The following USP28 variants were observed in gnomAD, a reference collection of about 807,000 sequenced individuals.
USP28 encodes the protein ubiquitin carboxyl-terminal hydrolase 28.
USP28 carries 113 observed loss-of-function variants against 145.0 expected under a neutral mutation model. That is an observed-to-expected ratio of 0.78 (90% CI 0.67 to 0.91). USP28 has a LOEUF of 0.91. Among genes scored for constraint, USP28 ranks in the 40% least tolerant of loss-of-function variants. The pLI is 0.00. For synonymous variants in USP28, 447 were observed against 450.9 expected (o/e 0.99, Z 0.11); for missense variants, 1,201 against 1,289.6 (o/e 0.93, Z 1.05).
chr11:113,819,238 G>A (rs886710884), intron 12 of USP28, among the ~76,000 whole-genome samples: 4 of 151,388 alleles, frequency 2.6e-5, no homozygotes, highest in Non-Finnish European at 5.9e-5. Flanking sequence ...TCAGCCTCCC[G>A]AGTAGCTGGG....
Position 113,801,466 on chromosome 11 carries a change from T to C in USP28, c.3058+17A>G. 6.6e-7 allele frequency: 1 copy of C among 1,518,290 alleles called. No individual in the cohort carries two copies. Among genetic ancestry groups the C allele is most frequent in the Non-Finnish European group, 8.9e-7 (1 of 1,119,286 alleles). The allele number at this position is 1,518,290 out of a possible 1,614,324, so 94.1% of individuals were successfully genotyped here. On this transcript the variant is annotated intron_variant, in intron 24 of 24. Transcript: ENST00000003302. ...CAATTCTCAAAACCTCAGAATATTA[T>C]TACCAAGAGCATATACCTGCAATAT...
exon 16 of USP28, chr11:113,812,314 A>G: frequency 6.2e-7 from 1 of 1,614,152 alleles, no homozygotes; most frequent in Non-Finnish European, 8.5e-7. Context: ...AATGTACATC[A>G]GACAGTAAGC....
intron 1 of USP28, among the ~76,000 whole-genome samples, chr11:113,860,316 C>T (rs1947519377): frequency 6.6e-6 from 1 of 151,878 alleles, no homozygotes; most frequent in South Asian, 2.1e-4. Context: ...AAATTTACAA[C>T]TAAGTAAATA....
chr11:113,875,388 G>A, intron 1 of USP28, 57 bp downstream of exon 1: 3 of 1,171,556 alleles, frequency 2.6e-6, no homozygotes, highest in Non-Finnish European at 3.2e-6. Flanking sequence ...GGCCCCGCAC[G>A]CTCCCCTCAG....
intron 6 of USP28, among the ~76,000 whole-genome samples, chr11:113,833,875 C>A (rs1478564263): frequency 6.6e-6 from 1 of 152,170 alleles, no homozygotes; most frequent in Admixed American, 6.5e-5. Flanking sequence ...TAGGAGGAGG[C>A]TACGACCTTT....
At chr11:113,844,332 T>C (rs1158078353) in intron 3 of USP28, among the ~76,000 whole-genome samples, 1 of 151,680 alleles carries the variant, frequency 6.6e-6, no homozygotes, top group East Asian at 1.9e-4. Flanking sequence ...TCTCCGCTAC[T>C]CGGGAGGCTG....
intron 18 of USP28, chr11:113,808,004 G>C: frequency 2.5e-6 from 3 of 1,212,930 alleles, no homozygotes; most frequent in Non-Finnish European, 3.1e-6. Context: ...CCCACACTGG[G>C]AATCTCGACT....
chr11:113,874,654 TTA>T, intron 1 of USP28: 1 of 1,273,206 alleles, frequency 7.9e-7, no homozygotes, highest in Non-Finnish European at 1.0e-6. Context: ...TGGTGTTAAG[TTA>T]TAACATTCCG....
intron 11 of USP28, among the ~76,000 whole-genome samples, chr11:113,826,139 T>C (rs1238202810): frequency 4.6e-5 from 7 of 151,578 alleles, no homozygotes; most frequent in Non-Finnish European, 8.8e-5. Context: ...TAAAATTAGC[T>C]GGGTGTGGTG....
At chr11:113,848,983 G>A (rs1946168422) in intron 3 of USP28, among the ~76,000 whole-genome samples, 1 of 152,168 alleles carries the variant, frequency 6.6e-6, no homozygotes, top group African/African-American at 2.4e-5. Flanking sequence ...ACCTTGCTAT[G>A]AGACATTAAT....
intron 24 of USP28, among the ~76,000 whole-genome samples, chr11:113,800,972 A>G (rs1035004266): frequency 9.2e-5 from 14 of 151,574 alleles, no homozygotes; most frequent in African/African-American, 3.4e-4. Flanking sequence ...CCTCCCGAGT[A>G]GCTGGGATTA....
intron 15 of USP28, among the ~76,000 whole-genome samples, chr11:113,813,246 G>T (rs944791052): frequency 2.0e-5 from 3 of 152,148 alleles, no homozygotes; most frequent in South Asian, 2.1e-4. Context: ...GTTAAGCAAT[G>T]GGACTGTGCC....
intron 1 of USP28, among the ~76,000 whole-genome samples, chr11:113,854,666 C>T (rs1481318962): frequency 6.6e-6 from 1 of 152,036 alleles, no homozygotes; most frequent in Non-Finnish European, 1.5e-5. Flanking sequence ...TCCCAAAGTC[C>T]GCTGGGATTA....
chr11:113,833,612 C>T (rs1022979548), intron 6 of USP28, 55 bp from the exon 7 acceptor site: 20 of 1,546,196 alleles, frequency 1.3e-5, no homozygotes, highest in South Asian at 9.7e-5. Flanking sequence ...AAAATCAGAA[C>T]GTGTAAAGAA....
chr11:113,819,390 G>A (rs1300280182), intron 12 of USP28, among the ~76,000 whole-genome samples: 1 of 152,060 alleles, frequency 6.6e-6, no homozygotes, highest in Non-Finnish European at 1.5e-5. Flanking sequence ...TGGGATTACA[G>A]GTGTGAGCCA....
chr11:113,807,854 G>T, intron 18 of USP28, 97 bp downstream of exon 19: 1 of 848,054 alleles, frequency 1.2e-6, no homozygotes, highest in Non-Finnish European at 1.4e-6. Flanking sequence ...TTTGCAACGA[G>T]AAAATATCAG....
At chr11:113,833,617 A>G (rs1279160838) in intron 6 of USP28, 60 bp from the exon 7 acceptor site, 41 of 1,534,430 alleles carry the variant, frequency 2.7e-5, no homozygotes, top group Admixed American at 4.1e-5. Context: ...CAGAACGTGT[A>G]AAGAAAAAAA....
chr11:113,868,448 G>T (rs1276670340), intron 1 of USP28, among the ~76,000 whole-genome samples: 1 of 150,794 alleles, frequency 6.6e-6, no homozygotes, highest in Non-Finnish European at 1.5e-5. Flanking sequence ...TAGTCAAGTG[G>T]TAAGTCAGAA....
intron 3 of USP28, among the ~76,000 whole-genome samples, chr11:113,844,512 A>G (rs542920221): frequency 9.1e-6 from 1 of 109,710 alleles, no homozygotes; most frequent in South Asian, 2.8e-4. Flanking sequence ...CATGCATCTG[A>G]TAAGAGATCT....
Sources: gnomAD v4.1 joint callset for allele counts (sites outside exome capture counted in the v4.1 genomes callset) on GRCh38, gnomAD v4.1.1 for gene constraint, MANE v1.5 for transcripts, NCBI Gene and HGNC (gene_info 2026-07-23, HGNC 2026-07-21) for gene names.